Variants in SHBG observed in about 807,000 individuals in gnomAD.
The protein encoded by SHBG is sex hormone binding globulin.
In SHBG, 37 loss-of-function variants were observed where a neutral mutation model predicts 41.9. The ratio of observed to expected loss-of-function variants is 0.88; its 90% CI spans 0.68 to 1.16. The LOEUF (loss-of-function observed/expected upper bound fraction) is 1.16. SHBG is among the 50% of genes most tolerant of loss of function. The pLI, the probability that SHBG is intolerant of heterozygous loss-of-function variation, is 0.00. For synonymous variants in SHBG, 217 were observed against 205.8 expected (o/e 1.05, Z -0.47); for missense variants, 466 against 499.9 (o/e 0.93, Z 0.65).
intron 1 of SHBG, among the ~76,000 whole-genome samples, chr17:7,622,229 C>T (rs1039836583): frequency 2.0e-5 from 3 of 151,628 alleles, no homozygotes; most frequent in Non-Finnish European, 4.4e-5. Context: ...GAACCCAGGC[C>T]CTTTTCACCC....
Position 7,631,915 on chromosome 17 carries a change from C to T in SHBG, c.752C>T (p.Ser251Phe). 6.2e-7 allele frequency: 1 copy of T among 1,614,068 alleles called. No homozygotes were observed. Among genetic ancestry groups the T allele is most frequent in the Non-Finnish European group, 8.5e-7 (1 of 1,180,006 alleles). ...CCTCATGCAGAGCCCTGGGCCTTCTCTTTGGACCTGGGACTCAAGCAGGCA... is the reference window on the plus strand; with the variant it reads ...CCTCATGCAGAGCCCTGGGCCTTCTTTTTGGACCTGGGACTCAAGCAGGCA... ...PQPHAEPWAFSLDLGLKQAAG... is the reference protein window; with the variant it reads ...PQPHAEPWAFFLDLGLKQAAG... The change falls in exon 6 of 8, where the codon TCT (serine) becomes TTT (phenylalanine). Residue 251 changes from serine to phenylalanine, a missense_variant. Transcript: ENST00000380450.
At chr17:7,621,455 G>A (rs1409269619) in intron 1 of SHBG, among the ~76,000 whole-genome samples, 1 of 139,996 alleles carries the variant, frequency 7.1e-6, no homozygotes, top group African/African-American at 2.7e-5. Flanking sequence ...ACAAAAATTA[G>A]CTGGGCGTGG....
At chr17:7,632,458 A>T (rs569265769) in intron 6 of SHBG, among the ~76,000 whole-genome samples, 65 of 152,146 alleles carry the variant, frequency 4.3e-4, no homozygotes, top group Non-Finnish European at 8.1e-4. Context: ...TAAAAATAAA[A>T]ATAAGGCTTA....
intron 1 of SHBG, among the ~76,000 whole-genome samples, chr17:7,615,444 C>T (rs1194703976): frequency 6.6e-6 from 1 of 152,236 alleles, no homozygotes; most frequent in Admixed American, 6.5e-5. Flanking sequence ...TTTTAAGAAT[C>T]TGTAACTCTC....
chr17:7,626,311 A>AC, upstream of SHBG: 1 of 893,220 alleles, frequency 1.1e-6, no homozygotes, highest in Non-Finnish European at 1.8e-6. Context: ...CTCTTCCAAT[A>AC]CTTGAGGATA....
rs372962973 is a variant in SHBG at position 7,630,789 on chromosome 17, C to T, written c.313C>T (p.Pro105Ser). The T allele has an allele frequency of 1.2e-6, 2 of 1,614,002 alleles. No homozygotes were observed. Among genetic ancestry groups the T allele is most frequent in the Admixed American group, 1.7e-5 (1 of 59,998 alleles). ...TATGCTGGGACTTCGAGACGGCAGG[C>T]CTGAGATCCAACTGCACAATCACTG... ...WFMLGLRDGR[P>S]EIQLHNHWAQ... Residue 105 changes from proline (P) to serine (S), a missense_variant, in exon 3 of 8, where the codon CCT (proline) becomes TCT (serine). Transcript: ENST00000380450. The surrounding 1 kb of genome is among the most constrained non-coding windows in gnomAD (Gnocchi z 4.6).
At chr17:7,627,290 G>C (rs2072243772), upstream of SHBG, 1 of 1,612,046 alleles carries the variant, frequency 6.2e-7, no homozygotes, top group Non-Finnish European at 8.5e-7. This position sits in a 1 kb window ranked among gnomAD's most constrained non-coding sequence, Gnocchi z 4.8. Flanking sequence ...GCCCAGCCTG[G>C]AGCTGTCGCC....
chr17:7,633,312 G>GCC lies in SHBG; in HGVS notation c.1173_1174dup (p.Gln392ProfsTer?). The stretch of plus-strand genomic sequence containing the variant: ...AGCCATGAGATCTGGACTCACAGCT[G>GCC]CCCCCAGAGCCCAGGCAATGGCACT... On this transcript the variant is annotated frameshift_variant, in exon 8 of 8. Transcript: ENST00000380450. LOFTEE classifies it high-confidence loss of function. 1 of 1,614,138 alleles carries GCC rather than the reference G, an allele frequency of 6.2e-7. No individual in the cohort carries two copies. The highest frequency in any genetic ancestry group is 1.7e-5 in the Admixed American group (1 of 60,014).
upstream of SHBG, among the ~76,000 whole-genome samples, chr17:7,625,886 C>G (rs1432725317): frequency 7.0e-6 from 1 of 141,940 alleles, no homozygotes; most frequent in African/African-American, 2.6e-5. Context: ...AGGACAACAG[C>G]AAGACTTGAT....
At chr17:7,617,589 C>T (rs941595665) in intron 1 of SHBG, among the ~76,000 whole-genome samples, 3 of 150,992 alleles carry the variant, frequency 2.0e-5, no homozygotes, top group Non-Finnish European at 2.9e-5. Flanking sequence ...GGTGACAGAG[C>T]GAGACTCCAT....
chr17:7,627,528 C>T, upstream of SHBG: 1 of 1,602,502 alleles, frequency 6.2e-7, no homozygotes, highest in Non-Finnish European at 8.5e-7. This position sits in a 1 kb window ranked among gnomAD's most constrained non-coding sequence, Gnocchi z 4.8. Context: ...CCGCTCTGGC[C>T]GCGCCACTCT....
upstream of SHBG, chr17:7,626,324 C>T: frequency 9.5e-7 from 1 of 1,051,944 alleles, no homozygotes; most frequent in South Asian, 1.6e-5. Flanking sequence ...TGAGGATAGG[C>T]ACCCCTAACC....
chr17:7,624,763 T>C (rs2072162030), upstream of SHBG, among the ~76,000 whole-genome samples: 3 of 151,996 alleles, frequency 2.0e-5, no homozygotes, highest in Admixed American at 2.0e-4. Context: ...GCGATTCTCA[T>C]GCCTCAGCCT....
At chr17:7,626,134 C>T (rs1248722348), upstream of SHBG, 4 of 217,818 alleles carry the variant, frequency 1.8e-5, no homozygotes, top group Non-Finnish European at 3.6e-5. Flanking sequence ...GCAGAGGTTG[C>T]AGTGAGCGGA....
At chr17:7,627,236 T>C (rs1480918443), upstream of SHBG, 5 of 1,613,922 alleles carry the variant, frequency 3.1e-6, no homozygotes, top group East Asian at 2.2e-5. This position sits in a 1 kb window ranked among gnomAD's most constrained non-coding sequence, Gnocchi z 4.8. Context: ...GCTGCCGAGA[T>C]TGGAGTTGTG....
At chr17:7,619,182 G>A (rs1244048722) in intron 1 of SHBG, among the ~76,000 whole-genome samples, 4 of 151,998 alleles carry the variant, frequency 2.6e-5, no homozygotes, top group African/African-American at 7.3e-5. Flanking sequence ...CCTGAGGTCA[G>A]GAGTTCAAGA....
At position 7,630,658 on chromosome 17, in the gene SHBG, C is replaced by A; in HGVS notation, c.204-22C>A. 1 of 1,606,478 alleles carries A rather than the reference C, an allele frequency of 6.2e-7. No homozygotes were observed. Among genetic ancestry groups the A allele is most frequent in the Non-Finnish European group, 8.5e-7 (1 of 1,173,738 alleles). On this transcript the variant is annotated intron_variant, in intron 2 of 7. Coordinates refer to ENST00000380450, the MANE Select transcript of SHBG (RefSeq NM_001040.5). The surrounding 1 kb of genome is among the most constrained non-coding windows in gnomAD (Gnocchi z 4.6). Reference sequence around the variant, plus strand: ...TCAAAGGACACATGACATACACAATCTTTCCTTCTGTGTCCTTCCAGAACC... The same window carrying A: ...TCAAAGGACACATGACATACACAATATTTCCTTCTGTGTCCTTCCAGAACC...
At chr17:7,631,385 C>A (rs780176496) in intron 4 of SHBG, 24 bp downstream of exon 4, 5 of 1,609,310 alleles carry the variant, frequency 3.1e-6, no homozygotes, top group African/African-American at 2.7e-5. Context: ...AGGGGTGGAA[C>A]CCTAGCCAAG....
At chr17:7,628,579 G>A (rs1233875639), upstream of SHBG, among the ~76,000 whole-genome samples, 3 of 151,988 alleles carry the variant, frequency 2.0e-5, no homozygotes, top group African/African-American at 4.8e-5. Context: ...CGGAGTAGCT[G>A]GGATTACAGG....
Sources: gnomAD v4.1 joint callset for allele counts (sites outside exome capture counted in the v4.1 genomes callset) on GRCh38, gnomAD v4.1.1 for gene constraint, Gnocchi (gnomAD v3.1) non-coding constraint, MANE v1.5 for transcripts, NCBI Gene and HGNC (gene_info 2026-07-23, HGNC 2026-07-21) for gene names.